The following SLC4A1 variants were observed in gnomAD, a reference collection of about 807,000 sequenced individuals.
SLC4A1 encodes solute carrier family 4 member 1 (Diego blood group), also known as band 3 anion transport protein.
Under a neutral mutation model 93.1 loss-of-function variants are expected in SLC4A1, and 29 were observed. The observed-to-expected ratio is 0.31, with a 90% CI of 0.23 to 0.42. SLC4A1 has a LOEUF of 0.42. Ranked by LOEUF, SLC4A1 falls within the 20% of genes least tolerant of loss-of-function variation. The pLI, the probability that SLC4A1 is intolerant of heterozygous loss-of-function variation, is 1.00. For synonymous variants in SLC4A1, 469 were observed against 497.2 expected, an observed-to-expected ratio of 0.94 and a Z score of 0.76; for missense variants, 965 against 1,190.1, an observed-to-expected ratio of 0.81 and a Z score of 2.78.
Position 44,249,349 on chromosome 17 carries a change from TGAG to T in SLC4A1, c.*1106_*1108del. 1 of 324,430 alleles carries T rather than the reference TGAG, an allele frequency of 3.1e-6. No individual in the cohort carries two copies. The highest frequency in any genetic ancestry group is 6.0e-6 in the Non-Finnish European group (1 of 167,696). 20.1% of individuals were successfully genotyped at this position (324,430 alleles called of 1,614,324 possible). A position where few individuals can be genotyped will look rare whatever the true frequency, so the allele number is the denominator to read the frequency against. ...CCCCAAGATTCAGTTTAGATGGAGTTGAGGATAATGGCTCTCAAATGAGGGGCC... is the reference window on the plus strand; with the variant it reads ...CCCCAAGATTCAGTTTAGATGGAGTTGATAATGGCTCTCAAATGAGGGGCC... On this transcript the variant is annotated 3_prime_UTR_variant, in exon 20 of 20. Transcript: ENST00000262418.
chr17:44,260,061 AC>A, intron 6 of SLC4A1, 129 bp from the exon 7 acceptor site: 2 of 1,224,216 alleles, frequency 1.6e-6, no homozygotes, highest in Non-Finnish European at 2.4e-6. Flanking sequence ...GACTTCCCAG[AC>A]CAGACCAGAG....
rs2047397502 is a variant in SLC4A1 at position 44,257,293 on chromosome 17, C to T, written c.1626+57G>A. ...AGGCCTGAGCCCTCGCACCCGGCCA[C>T]TGTCTCAGTCTTATACACAACCTCC... On this transcript the variant is annotated intron_variant, in intron 13 of 19. Coordinates refer to ENST00000262418, the MANE Select transcript of SLC4A1 (RefSeq NM_000342.4). 3 of 1,558,508 alleles carry T rather than the reference C, an allele frequency of 1.9e-6. No homozygotes were observed. In the Admixed American group the frequency reaches 5.0e-5, roughly 26 times the overall value.
At chr17:44,251,027 C>G (rs1376037533) in intron 19 of SLC4A1, 132 bp downstream of exon 19, 2 of 981,570 alleles carry the variant, frequency 2.0e-6, no homozygotes, top group Non-Finnish European at 3.1e-6. Context: ...TGCTAGGACA[C>G]AGCAGGCCAG....
rs1481115621 is a variant in SLC4A1, at chr17:44,258,916, T to G, written c.876+247A>C. On this transcript the variant is annotated intron_variant, in intron 9 of 19. Coordinates refer to ENST00000262418, the MANE Select transcript of SLC4A1 (RefSeq NM_000342.4). This position sits in a 1 kb window ranked among gnomAD's most constrained non-coding sequence, Gnocchi z 6.1. The stretch of plus-strand genomic sequence containing the variant: ...CCCGACCAAGCCTGACCTGACCAGG[T>G]GGAACCAGGTCATAGTGAGCTGGAC... 6.6e-6 allele frequency among the ~76,000 whole-genome samples: 1 copy of G among 151,068 alleles called. No homozygotes were observed. The highest frequency in any genetic ancestry group is 1.5e-5 in the Non-Finnish European group (1 of 67,880).
chr17:44,265,050 C>T (rs2047484219), intron 1 of SLC4A1, among the ~76,000 whole-genome samples: 1 of 63,054 alleles, frequency 1.6e-5, no homozygotes, highest in Non-Finnish European at 2.9e-5. Flanking sequence ...GGAGGGGGTG[C>T]CGAGCACTGG....
chr17:44,253,448 G>T, intron 16 of SLC4A1, 77 bp from the exon 17 acceptor site: 1 of 1,546,196 alleles, frequency 6.5e-7, no homozygotes, highest in Non-Finnish European at 8.7e-7. Context: ...TCCATACTTG[G>T]TGTCCTTGTA....
At chr17:44,251,031 A>G in intron 19 of SLC4A1, 128 bp downstream of exon 19, 1 of 1,008,744 alleles carries the variant, frequency 9.9e-7, no homozygotes, top group Non-Finnish European at 1.5e-6. Flanking sequence ...AGGACACAGC[A>G]GGCCAGAACC....
chr17:44,258,342 G>C lies in SLC4A1; in HGVS notation c.1087+71C>G. ...GATGAGAGGGGAACATGTGATGGGA[G>C]ACAGAGGCTACGCTGAGGTGTCTGG... On this transcript the variant is annotated intron_variant, in intron 10 of 19. Coordinates refer to ENST00000262418, the MANE Select transcript of SLC4A1 (RefSeq NM_000342.4). The surrounding 1 kb of genome is among the most constrained non-coding windows in gnomAD (Gnocchi z 6.1). 6.7e-7 allele frequency: 1 copy of C among 1,498,370 alleles called. No homozygotes were observed. 92.8% of individuals were successfully genotyped at this position (1,498,370 alleles called of 1,614,324 possible).
Position 44,266,619 on chromosome 17 carries a change from C to G in SLC4A1, c.-69+1435G>C, listed in dbSNP as rs117463506. 4.7e-3 allele frequency among the ~76,000 whole-genome samples: 713 copies of G among 152,272 alleles called. 5 individuals are homozygous for G. Among genetic ancestry groups the G allele is most frequent in the Admixed American group, 0.011 (174 of 15,296 alleles). ...GAGAGAAGAGGGGAAAACAGAGGTG[C>G]CTTGAGCTCAGTTGGAGACTTACAG... On this transcript the variant is annotated intron_variant, in intron 1 of 19. Coordinates refer to ENST00000262418, the MANE Select transcript of SLC4A1 (RefSeq NM_000342.4).
Position 44,250,103 on chromosome 17 carries a change from C to A in SLC4A1, c.*355G>T. 3.0e-6 allele frequency: 1 copy of A among 332,474 alleles called. No homozygotes were observed. Among genetic ancestry groups the A allele is most frequent in the East Asian group, 6.8e-5 (1 of 14,768 alleles). The allele number at this position is 332,474 out of a possible 1,614,324, so 20.6% of individuals were successfully genotyped here. A position where few individuals can be genotyped will look rare whatever the true frequency, so the allele number is the denominator to read the frequency against. On this transcript the variant is annotated 3_prime_UTR_variant, in exon 20 of 20. Transcript: ENST00000262418. Reference sequence around the variant, plus strand: ...TTGCCCAAGGTCACACAGCAAGCACCCCACCCGCTCACCCACCTCCTGCCT... The same window carrying A: ...TTGCCCAAGGTCACACAGCAAGCACACCACCCGCTCACCCACCTCCTGCCT...
intron 16 of SLC4A1, 95 bp downstream of exon 16, chr17:44,254,401 C>T (rs2521609): frequency 8.4e-7 from 1 of 1,195,932 alleles, no homozygotes; most frequent in Admixed American, 1.9e-5. Flanking sequence ...CAGGGACTAG[C>T]TTGCAGTCCT....
chr17:44,254,723 A>G, intron 15 of SLC4A1, 61 bp from the exon 16 acceptor site: 1 of 1,534,936 alleles, frequency 6.5e-7, no homozygotes, highest in African/African-American at 1.4e-5. Context: ...GGGTGGGAGC[A>G]GGAGGAGCCA....
intron 1 of SLC4A1, among the ~76,000 whole-genome samples, chr17:44,265,514 C>T (rs867463960): frequency 7.2e-5 from 11 of 152,158 alleles, no homozygotes; most frequent in South Asian, 2.1e-4. Flanking sequence ...GGACTACAGG[C>T]GCCCGCCACC....
At chr17:44,254,136 G>A (rs1026465841) in intron 16 of SLC4A1, among the ~76,000 whole-genome samples, 3 of 151,768 alleles carry the variant, frequency 2.0e-5, no homozygotes, top group African/African-American at 7.3e-5. Context: ...CACCATGCCC[G>A]CCTAATTTTT....
rs775231146 is a variant in SLC4A1, at chr17:44,251,562, G to A, written c.2338C>T (p.Leu780=). The A allele has an allele frequency of 1.2e-6, 2 of 1,614,134 alleles. No individual in the cohort carries two copies. The highest frequency in any genetic ancestry group is 1.7e-5 in the Admixed American group (1 of 60,024). The change falls in exon 18 of 20, where the codon CTG becomes TTG. Residue 780 remains leucine (L), a synonymous_variant. Coordinates refer to ENST00000262418, the MANE Select transcript of SLC4A1 (RefSeq NM_000342.4). ...AGTACAGCCAGGGGGATGCGGGACA[G>A]GATGGGCTCCATGAGGATGGACAGG... is the stretch of plus-strand genomic sequence containing the variant. ...VGLSILMEPI[L]SRIPLAVLFG...
chr17:44,251,082 T>A (rs1219477383), intron 19 of SLC4A1, 77 bp downstream of exon 19: 1 of 1,482,844 alleles, frequency 6.7e-7, no homozygotes, highest in East Asian at 2.5e-5. Context: ...CATGACTCTG[T>A]CCTGCCTGCC....
At chr17:44,265,942 T>G (rs993309802) in intron 1 of SLC4A1, among the ~76,000 whole-genome samples, 12 of 148,962 alleles carry the variant, frequency 8.1e-5, no homozygotes, top group Admixed American at 1.3e-4. Context: ...ATTGCGCCAC[T>G]GCACTCCAGC....
rs1007715377 is a variant in SLC4A1, at chr17:44,260,325, C to T, written c.485+79G>A. 25 of 1,546,420 alleles carry T rather than the reference C, an allele frequency of 1.6e-5. No homozygotes were observed. The Admixed American group carries it at 1.9e-4, about 12-fold the overall frequency. On this transcript the variant is annotated intron_variant, in intron 6 of 19. Transcript: ENST00000262418. ...GGTGAGGGTAGGGCCACCTGGATCCCGGGGGAGAACTTGGGGCAAGTGGGC... is the reference window on the plus strand; with the variant it reads ...GGTGAGGGTAGGGCCACCTGGATCCTGGGGGAGAACTTGGGGCAAGTGGGC...
chr17:44,260,294 C>T (rs2047431199), intron 6 of SLC4A1, 110 bp downstream of exon 6: 2 of 1,386,014 alleles, frequency 1.4e-6, no homozygotes, highest in Non-Finnish European at 2.0e-6. Flanking sequence ...AAGTGGGCCC[C>T]TGCCTGGTGA....
Sources: gnomAD v4.1 joint callset for allele counts (sites outside exome capture counted in the v4.1 genomes callset) on GRCh38, gnomAD v4.1.1 for gene constraint, Gnocchi (gnomAD v3.1) non-coding constraint, MANE v1.5 for transcripts, NCBI Gene and HGNC (gene_info 2026-07-23, HGNC 2026-07-21) for gene names.